NEK7: variants seen among roughly 807,000 people sequenced by gnomAD.
The protein encoded by NEK7 is serine/threonine-protein kinase Nek7.
In NEK7, 18 loss-of-function variants were observed where a neutral mutation model predicts 44.6. The observed-to-expected ratio is 0.40, with a 90% CI of 0.28 to 0.60. The LOEUF (loss-of-function observed/expected upper bound fraction) is 0.60. Among genes scored for constraint, NEK7 ranks in the 20% least tolerant of loss-of-function variants. The pLI, the probability that NEK7 is intolerant of heterozygous loss-of-function variation, is 0.38. For synonymous variants in NEK7, 130 were observed against 121.1 expected (o/e 1.07, Z -0.48); for missense variants, 256 against 366.5 (o/e 0.70, Z 2.46).
At chr1:198,252,564 ATATAAAAAG>A (rs1653080736) in intron 2 of NEK7, among the ~76,000 whole-genome samples, 1 of 55,220 alleles carries the variant, frequency 1.8e-5, no homozygotes, top group Non-Finnish European at 2.9e-5. Flanking sequence ...ATATATATAT[ATATAAAAAG>A]TACATATATA....
At chr1:198,249,291 T>TG (rs200641380) in intron 2 of NEK7, among the ~76,000 whole-genome samples, 30,131 of 151,884 alleles carry the variant, frequency 0.2, 3,578 homozygotes, top group African/African-American at 0.32. Flanking sequence ...AGTCTATCAT[T>TG]GTTGGACATT....
At chr1:198,231,213 T>G (rs747027884) in intron 1 of NEK7, among the ~76,000 whole-genome samples, 15 of 149,374 alleles carry the variant, frequency 1.0e-4, no homozygotes, top group Non-Finnish European at 1.9e-4. Context: ...AGTGTACTAT[T>G]GTTGTTAGTG....
At chr1:198,260,123 T>G (rs1468892942) in intron 3 of NEK7, among the ~76,000 whole-genome samples, 1 of 152,162 alleles carries the variant, frequency 6.6e-6, no homozygotes, top group African/African-American at 2.4e-5. Flanking sequence ...CAGTTTAAGC[T>G]TGTCTGTACT....
chr1:198,255,921 G>T (rs776884199), intron 3 of NEK7, among the ~76,000 whole-genome samples: 1 of 151,960 alleles, frequency 6.6e-6, no homozygotes, highest in African/African-American at 2.4e-5. Flanking sequence ...AAAACCCATG[G>T]TTCTTTATTT....
intron 5 of NEK7, among the ~76,000 whole-genome samples, chr1:198,266,816 A>G (rs919558769): frequency 3.9e-5 from 6 of 152,062 alleles, no homozygotes; most frequent in Admixed American, 2.0e-4. Context: ...ATGATATCTG[A>G]TAGGTATTCA....
chr1:198,217,489 G>A (rs1356755103), intron 1 of NEK7, among the ~76,000 whole-genome samples: 1 of 151,998 alleles, frequency 6.6e-6, no homozygotes, highest in African/African-American at 2.4e-5. Flanking sequence ...CATATTGAAT[G>A]GGACAGAGTT....
chr1:198,277,936 G>A, intron 5 of NEK7, 25 bp from the exon 6 acceptor site: 1 of 1,423,174 alleles, frequency 7.0e-7, no homozygotes, highest in South Asian at 1.2e-5. Flanking sequence ...AGTTTTTATA[G>A]TTCTTATTTT....
At chr1:198,230,749 A>G (rs1159693620) in intron 1 of NEK7, among the ~76,000 whole-genome samples, 1 of 152,082 alleles carries the variant, frequency 6.6e-6, no homozygotes, top group East Asian at 1.9e-4. Flanking sequence ...TACAGGGTCA[A>G]TATACAAAAA....
chr1:198,244,698 A>G (rs1436366606), intron 2 of NEK7, among the ~76,000 whole-genome samples: 1 of 152,186 alleles, frequency 6.6e-6, no homozygotes, highest in Admixed American at 6.5e-5. Flanking sequence ...TAGAGCTGGT[A>G]GATAATTATA....
intron 1 of NEK7, among the ~76,000 whole-genome samples, chr1:198,210,503 A>G (rs933652711): frequency 6.6e-6 from 1 of 152,108 alleles, no homozygotes; most frequent in African/African-American, 2.4e-5. Flanking sequence ...AAAATGATAA[A>G]TGCTTTTTTA....
At chr1:198,206,978 T>C (rs1261209580) in intron 1 of NEK7, 1 of 152,194 alleles carries the variant, frequency 6.6e-6, no homozygotes, top group South Asian at 2.1e-4. Flanking sequence ...AAGTCCATTC[T>C]AATTCAGTGA....
chr1:198,207,950 A>G (rs1665647597), intron 1 of NEK7, among the ~76,000 whole-genome samples: 1 of 152,246 alleles, frequency 6.6e-6, no homozygotes, highest in South Asian at 2.1e-4. Context: ...TAGAACCCTT[A>G]GAACACTTCA....
intron 2 of NEK7, among the ~76,000 whole-genome samples, chr1:198,242,619 A>T (rs913554471): frequency 2.0e-5 from 3 of 149,916 alleles, no homozygotes; most frequent in Non-Finnish European, 4.4e-5. Context: ...GCGCTACTAC[A>T]CCCTGCTAGT....
chr1:198,319,507 C>T lies in NEK7; in HGVS notation c.894C>T (p.Cys298=), dbSNP rs934732530. ...VYDVAKRMHA[C]TASS is the part of the protein sequence containing the mutation. Reference sequence around the variant, plus strand: ...ACGTAGCAAAGAGGATGCATGCATGCACTGCAAGCAGCTAAACATGCAAGA... The same window carrying T: ...ACGTAGCAAAGAGGATGCATGCATGTACTGCAAGCAGCTAAACATGCAAGA... The change falls in exon 10 of 10, where the codon TGC becomes TGT. Residue 298 remains cysteine (C), a synonymous_variant. Transcript: ENST00000367385. 1 of 1,606,588 alleles carries T rather than the reference C, an allele frequency of 6.2e-7. No individual in the cohort carries two copies. The highest frequency in any genetic ancestry group is 8.5e-7 in the Non-Finnish European group (1 of 1,174,900).
intron 4 of NEK7, 89 bp from the exon 5 acceptor site, chr1:198,264,036 G>A (rs1208265125): frequency 3.8e-6 from 5 of 1,306,256 alleles, no homozygotes; most frequent in East Asian, 2.8e-5. Context: ...TAAAAAATAC[G>A]GTGAAGTTTG....
At chr1:198,262,310 T>G (rs2102946687) in intron 3 of NEK7, among the ~76,000 whole-genome samples, 1 of 152,084 alleles carries the variant, frequency 6.6e-6, no homozygotes, top group East Asian at 1.9e-4. Flanking sequence ...ATCACAACTT[T>G]AATTTTGTTC....
chr1:198,205,921 T>TC (rs1665584675), intron 1 of NEK7, among the ~76,000 whole-genome samples: 2 of 152,164 alleles, frequency 1.3e-5, no homozygotes, highest in Non-Finnish European at 2.9e-5. Context: ...CCACTTCTCT[T>TC]CCATTGTGTT....
intron 9 of NEK7, among the ~76,000 whole-genome samples, chr1:198,308,960 C>T (rs1310266195): frequency 6.6e-6 from 1 of 152,164 alleles, no homozygotes; most frequent in Non-Finnish European, 1.5e-5. Flanking sequence ...TTCATTCATT[C>T]AGCAAGCCAG....
chr1:198,177,595 G>A (rs1475650970), intron 1 of NEK7, among the ~76,000 whole-genome samples: 1 of 152,012 alleles, frequency 6.6e-6, no homozygotes, highest in Non-Finnish European at 1.5e-5. Flanking sequence ...AAATGTAGAA[G>A]CAAGACTAAA....
Sources: allele counts gnomAD v4.1 joint callset (sites outside exome capture counted in the v4.1 genomes callset), GRCh38; gene constraint gnomAD v4.1.1; transcripts MANE v1.5; gene names NCBI Gene and HGNC (gene_info 2026-07-23, HGNC 2026-07-21).